FGF12: variants seen among roughly 807,000 people sequenced by gnomAD.
The protein encoded by FGF12 is fibroblast growth factor 12B.
FGF12 carries 14 observed loss-of-function variants against 23.6 expected under a neutral mutation model. That is an observed-to-expected ratio of 0.59 (90% CI 0.39 to 0.93). The LOEUF (loss-of-function observed/expected upper bound fraction) is 0.93, where lower values mean the gene tolerates loss of function less well. FGF12 is among the 40% of genes least tolerant of loss of function. The pLI is 0.00. For missense variants in FGF12, 175 were observed against 217.8 expected, an observed-to-expected ratio of 0.80 and a Z score of 1.24; for synonymous variants, 62 against 77.3, an observed-to-expected ratio of 0.80 and a Z score of 1.04.
chr3:192,303,286 T>C (rs4686604), intron 4 of FGF12, among the ~76,000 whole-genome samples: 46,695 of 152,078 alleles, frequency 0.31, 9,975 homozygotes, highest in African/African-American at 0.6. Context: ...TTTTGTCACG[T>C]TAGTAGACAA....
chr3:192,528,881 C>T (rs1725017928), intron 2 of FGF12, among the ~76,000 whole-genome samples: 1 of 152,140 alleles, frequency 6.6e-6, no homozygotes. Flanking sequence ...CACCAAGTTC[C>T]TAGGCTGCAC....
chr3:192,678,014 T>C (rs186660944), intron 2 of FGF12, among the ~76,000 whole-genome samples: 3 of 152,334 alleles, frequency 2.0e-5, no homozygotes, highest in Admixed American at 2.0e-4. Flanking sequence ...CTATCATAAG[T>C]AAAACATCAT....
Position 192,139,420 on chromosome 3 carries a change from G to A in FGF12, c.*4589C>T, listed in dbSNP as rs991037691. 2 of 152,220 alleles carry A rather than the reference G, an allele frequency of 1.3e-5. No individual in the cohort carries two copies. The highest frequency in any genetic ancestry group is 2.9e-5 in the Non-Finnish European group (2 of 67,962). The allele number at this position is 152,220 out of a possible 1,614,324, so 9.4% of individuals were successfully genotyped here. A position where few individuals can be genotyped will look rare whatever the true frequency, so the allele number is the denominator to read the frequency against. On this transcript the variant is annotated 3_prime_UTR_variant, in exon 6 of 6. Coordinates refer to ENST00000445105, the MANE Select transcript of FGF12 (RefSeq NM_004113.6). ...ATAATCTGTGCTTTAATGGAAAAATGAAACATTAATTTGTTTAGTTTCTCA... is the reference window on the plus strand; with the variant it reads ...ATAATCTGTGCTTTAATGGAAAAATAAAACATTAATTTGTTTAGTTTCTCA...
intron 2 of FGF12, among the ~76,000 whole-genome samples, chr3:192,427,762 G>A (rs1275026360): frequency 6.6e-6 from 1 of 152,154 alleles, no homozygotes; most frequent in Non-Finnish European, 1.5e-5. Flanking sequence ...GAGCATCAAT[G>A]TCACTAAGAC....
intron 4 of FGF12, among the ~76,000 whole-genome samples, chr3:192,287,999 G>A (rs922128041): frequency 2.0e-5 from 3 of 151,974 alleles, no homozygotes; most frequent in African/African-American, 4.8e-5. Context: ...GTTATTGTCT[G>A]TTATTGTTTA....
chr3:192,635,418 T>C (rs1305114384), intron 2 of FGF12, among the ~76,000 whole-genome samples: 3 of 152,246 alleles, frequency 2.0e-5, no homozygotes, highest in Non-Finnish European at 4.4e-5. Context: ...AATTGATACA[T>C]ATATATGGTA....
intron 2 of FGF12, among the ~76,000 whole-genome samples, chr3:192,709,266 GC>G (rs1453080278): frequency 6.6e-6 from 1 of 152,134 alleles, no homozygotes; most frequent in Non-Finnish European, 1.5e-5. Flanking sequence ...AAGAATGGTA[GC>G]CCTGCTTTCA....
Position 192,154,716 on chromosome 3 carries a change from A to C in FGF12, c.428-10589T>G, listed in dbSNP as rs1293444093. On this transcript the variant is annotated intron_variant, in intron 5 of 5. Transcript: ENST00000445105. ...GCTGGGAGAACCACTGCTCTCTTCAAAGCTGTCAGACAGGGACCTTTAAGT... is the reference window on the plus strand; with the variant it reads ...GCTGGGAGAACCACTGCTCTCTTCACAGCTGTCAGACAGGGACCTTTAAGT... Among the ~76,000 whole-genome samples the C allele has an allele frequency of 3.5e-5, 5 of 142,168 alleles. No homozygotes were observed. In the East Asian group the frequency reaches 1.0e-3, roughly 29 times the overall value. The allele number at this position is 142,168 out of a possible 152,430, so 93.3% of individuals were successfully genotyped here. A position where few individuals can be genotyped will look rare whatever the true frequency, so the allele number is the denominator to read the frequency against.
chr3:192,692,193 C>T (rs1182607713), intron 2 of FGF12, among the ~76,000 whole-genome samples: 5 of 151,858 alleles, frequency 3.3e-5, no homozygotes, highest in East Asian at 1.9e-4. Context: ...ATATGAAGGC[C>T]GGAAAAATAT....
At chr3:192,158,354 C>CTTTCTTTCTTTCTTTCTT (rs1714580232) in intron 5 of FGF12, among the ~76,000 whole-genome samples, 1 of 111,784 alleles carries the variant, frequency 8.9e-6, no homozygotes, top group African/African-American at 4.0e-5. Flanking sequence ...TTCTTTCTTT[C>CTTTCTTTCTTTCTTTCTT]TTTCTTTCTT....
intron 2 of FGF12, among the ~76,000 whole-genome samples, chr3:192,434,521 G>A (rs1721957189): frequency 1.3e-5 from 2 of 152,126 alleles, no homozygotes. Context: ...GCAGGCATAT[G>A]TGTACATGTG....
chr3:192,353,429 G>A (rs531613154), intron 3 of FGF12, among the ~76,000 whole-genome samples: 1 of 145,452 alleles, frequency 6.9e-6, no homozygotes, highest in Non-Finnish European at 1.5e-5. Context: ...GAGTGCAGTG[G>A]CACGATCCCA....
intron 2 of FGF12, among the ~76,000 whole-genome samples, chr3:192,530,402 G>A (rs1195491895): frequency 1.3e-5 from 2 of 152,164 alleles, no homozygotes; most frequent in African/African-American, 2.4e-5. Context: ...CTTAAAAATT[G>A]TGGTAATGAT....
chr3:192,524,933 G>A (rs1204374163), intron 2 of FGF12, among the ~76,000 whole-genome samples: 1 of 151,958 alleles, frequency 6.6e-6, no homozygotes, highest in Non-Finnish European at 1.5e-5. Flanking sequence ...AGATAAAATG[G>A]ACACATTTTG....
intron 2 of FGF12, among the ~76,000 whole-genome samples, chr3:192,628,408 G>A (rs1715255622): frequency 6.7e-6 from 1 of 149,922 alleles, no homozygotes; most frequent in African/African-American, 2.5e-5. Context: ...TTTTTCCAGA[G>A]AGGCTATACA....
intron 2 of FGF12, among the ~76,000 whole-genome samples, chr3:192,540,975 T>C (rs9876457): frequency 0.27 from 41,329 of 152,092 alleles, 5,888 homozygotes; most frequent in Middle Eastern, 0.45. Flanking sequence ...TTTTGGTTTC[T>C]ACATGCATGC....
At chr3:192,214,429 A>C (rs962368048) in intron 4 of FGF12, among the ~76,000 whole-genome samples, 10 of 152,114 alleles carry the variant, frequency 6.6e-5, no homozygotes, top group African/African-American at 2.4e-4. Flanking sequence ...GGGGGAGGTA[A>C]TGGTACTGTC....
chr3:192,230,402 C>A (rs557442890), intron 4 of FGF12, among the ~76,000 whole-genome samples: 1 of 152,200 alleles, frequency 6.6e-6, no homozygotes, highest in Non-Finnish European at 1.5e-5. Context: ...ATCACTGAAG[C>A]AAATTTTAGA....
intron 4 of FGF12, among the ~76,000 whole-genome samples, chr3:192,235,347 C>T (rs1040544515): frequency 3.9e-5 from 6 of 152,086 alleles, no homozygotes; most frequent in Non-Finnish European, 5.9e-5. Context: ...CTCCCTGGGT[C>T]GCCAGGCTAC....
Sources: allele counts gnomAD v4.1 joint callset (sites outside exome capture counted in the v4.1 genomes callset), GRCh38; gene constraint gnomAD v4.1.1; transcripts MANE v1.5; gene names NCBI Gene and HGNC (gene_info 2026-07-23, HGNC 2026-07-21).